Variants in DMD observed in about 807,000 individuals in gnomAD.
DMD encodes the protein dystrophin, also known as mutant dystrophin.
Under a neutral mutation model 330.1 loss-of-function variants are expected in DMD, and 63 were observed. The observed-to-expected ratio is 0.19, with a 90% CI of 0.16 to 0.24. The LOEUF (loss-of-function observed/expected upper bound fraction) is 0.24, where lower values mean the gene tolerates loss of function less well. Ranked by LOEUF, DMD falls within the 10% of genes least tolerant of loss-of-function variation. The pLI is 1.00. For synonymous variants in DMD, 1,223 were observed against 959.8 expected, an observed-to-expected ratio of 1.27 and a Z score of -5.07; for missense variants, 3,344 against 2,684.1, an observed-to-expected ratio of 1.25 and a Z score of -5.43.
intron 2 of DMD, among the ~76,000 whole-genome samples, chrX:32,888,869 T>C (rs1301460169): frequency 9.0e-6 from 1 of 111,664 alleles, no homozygotes; most frequent in Non-Finnish European, 1.9e-5. Context: ...TGGTTGAACC[T>C]GGAGGATTTT....
chrX:33,022,565 G>C (rs2093933560), intron 1 of DMD, among the ~76,000 whole-genome samples: 1 of 110,025 alleles, frequency 9.1e-6, no homozygotes. Flanking sequence ...ACAATTAATT[G>C]TATTATTATT....
In DMD at chrX:32,456,578, TTGTGTGTGTGTG is replaced by T. The variant is rs60876331; in HGVS notation, c.3433-1758_3433-1747del. ...AAAACTATACATTCACATACATACT[TTGTGTGTGTGTG>T]TGTGTGTGTGTGTGTGTGTGTGTGT... On this transcript the variant is annotated intron_variant, in intron 25 of 78. Transcript: ENST00000357033. Among the ~76,000 whole-genome samples the T allele has an allele frequency of 5.4e-3, 486 of 89,491 alleles. 10 individuals carry two copies. The highest frequency in any genetic ancestry group is 0.022 in the South Asian group (34 of 1,553). The allele number at this position is 89,491 out of a possible 115,157, so 77.7% of individuals were successfully genotyped here. A position where few individuals can be genotyped will look rare whatever the true frequency, so the allele number is the denominator to read the frequency against.
At chrX:33,099,858 G>A (rs2095219568) in intron 1 of DMD, among the ~76,000 whole-genome samples, 1 of 110,824 alleles carries the variant, frequency 9.0e-6, no homozygotes, top group Non-Finnish European at 1.9e-5. Context: ...AAGAAAAATC[G>A]ACATAGTTTA....
intron 1 of DMD, among the ~76,000 whole-genome samples, chrX:33,031,232 G>C (rs2094105461): frequency 9.3e-6 from 1 of 107,679 alleles, no homozygotes; most frequent in African/African-American, 3.4e-5. Context: ...GTCCAGAAGT[G>C]ATAGAGATTT....
chrX:33,108,048 A>G (rs1035390575), intron 1 of DMD, among the ~76,000 whole-genome samples: 1 of 111,868 alleles, frequency 8.9e-6, no homozygotes, highest in Non-Finnish European at 1.9e-5. Context: ...TCAACAATAT[A>G]TTGTTTTACT....
intron 1 of DMD, among the ~76,000 whole-genome samples, chrX:33,250,082 T>A: frequency 1.6e-5 from 1 of 62,028 alleles, no homozygotes; most frequent in Admixed American, 1.9e-4. Flanking sequence ...AGTAAACTAT[T>A]CATTATATAT....
At chrX:32,268,548 A>G (rs1288012831) in intron 43 of DMD, among the ~76,000 whole-genome samples, 4 of 111,017 alleles carry the variant, frequency 3.6e-5, no homozygotes, top group Non-Finnish European at 7.5e-5. Flanking sequence ...CTTTCTCTTA[A>G]CTTTCTCACA....
intron 2 of DMD, among the ~76,000 whole-genome samples, chrX:32,922,875 T>C (rs1000886761): frequency 2.7e-5 from 3 of 112,481 alleles, no homozygotes; most frequent in Non-Finnish European, 5.6e-5. Flanking sequence ...TATATAAATC[T>C]TACACTGTAT....
intron 50 of DMD, among the ~76,000 whole-genome samples, chrX:31,805,566 A>G (rs1208307272): frequency 1.8e-5 from 2 of 112,097 alleles, no homozygotes; most frequent in Non-Finnish European, 3.8e-5. Context: ...ATGCTGAGAT[A>G]GGAAAACGTT....
intron 2 of DMD, among the ~76,000 whole-genome samples, chrX:32,869,021 C>T (rs1230437459): frequency 1.8e-5 from 2 of 111,523 alleles, no homozygotes; most frequent in African/African-American, 6.5e-5. Context: ...GTCAGTGACC[C>T]TCAGGGACAG....
intron 18 of DMD, among the ~76,000 whole-genome samples, chrX:32,511,649 T>A (rs750901970): frequency 1.0e-3 from 113 of 110,095 alleles, no homozygotes; most frequent in African/African-American, 3.6e-3. Context: ...GCCATGTTCA[T>A]AAAAATACCT....
intron 1 of DMD, among the ~76,000 whole-genome samples, chrX:33,103,568 T>G (rs1392083669): frequency 9.1e-6 from 1 of 110,320 alleles, no homozygotes; most frequent in Non-Finnish European, 1.9e-5. Context: ...TTTGTAATTT[T>G]CCTTTACCTA....
At chrX:31,789,093 T>C (rs1419133673) in intron 50 of DMD, among the ~76,000 whole-genome samples, 1 of 111,544 alleles carries the variant, frequency 9.0e-6, no homozygotes, top group Non-Finnish European at 1.9e-5. Flanking sequence ...TATTGATAGG[T>C]AGGAATTTAC....
chrX:33,027,156 T>C (rs2094019399), intron 1 of DMD, among the ~76,000 whole-genome samples: 1 of 112,232 alleles, frequency 8.9e-6, no homozygotes, highest in Non-Finnish European at 1.9e-5. Context: ...AGCTAACTTT[T>C]GATAGGGAGA....
At chrX:33,048,802 T>C (rs2094421912) in intron 1 of DMD, among the ~76,000 whole-genome samples, 1 of 108,278 alleles carries the variant, frequency 9.2e-6, no homozygotes, top group African/African-American at 3.4e-5. Context: ...ACTCTTCATA[T>C]GGCAAACTAA....
intron 41 of DMD, among the ~76,000 whole-genome samples, chrX:32,326,245 CACA>C (rs2097649974): frequency 9.0e-6 from 1 of 111,590 alleles, no homozygotes; most frequent in Admixed American, 9.5e-5. Flanking sequence ...TTGAAATATG[CACA>C]ACAATTTCAT....
chrX:31,292,745 T>A (rs1195696437), intron 62 of DMD, among the ~76,000 whole-genome samples: 1 of 112,337 alleles, frequency 8.9e-6, no homozygotes, highest in Admixed American at 9.4e-5. Context: ...AATTATAGTA[T>A]ACATTTTAAA....
At chrX:32,955,698 T>TTGAG (rs1288158921) in intron 2 of DMD, among the ~76,000 whole-genome samples, 1 of 112,063 alleles carries the variant, frequency 8.9e-6, no homozygotes, top group Admixed American at 9.5e-5. Flanking sequence ...TTAATCTATC[T>TTGAG]TGAGTTAATC....
intron 34 of DMD, among the ~76,000 whole-genome samples, chrX:32,366,832 ACT>A (rs2097856281): frequency 8.9e-6 from 1 of 111,992 alleles, no homozygotes; most frequent in Non-Finnish European, 1.9e-5. Flanking sequence ...AGACAAAAAC[ACT>A]GTTTCTTCAA....
Sources: allele counts gnomAD v4.1 joint callset (sites outside exome capture counted in the v4.1 genomes callset), GRCh38; gene constraint gnomAD v4.1.1; transcripts MANE v1.5; gene names NCBI Gene and HGNC (gene_info 2026-07-23, HGNC 2026-07-21).